KALRN: variants seen among roughly 807,000 people sequenced by gnomAD.
The protein encoded by KALRN is kalirin.
In KALRN, 70 loss-of-function variants were observed where a neutral mutation model predicts 353.7. The ratio of observed to expected loss-of-function variants is 0.20; its 90% CI spans 0.16 to 0.24. The LOEUF is 0.24. KALRN is among the 10% of genes least tolerant of loss of function. KALRN has a pLI of 1.00. For missense variants in KALRN, 2,791 were observed against 3,756.7 expected (o/e 0.74, Z 6.72); for synonymous variants, 1,391 against 1,434.8 (o/e 0.97, Z 0.69).
At chr3:124,111,160 C>T (rs2062928868) in intron 1 of KALRN, among the ~76,000 whole-genome samples, 1 of 152,202 alleles carries the variant, frequency 6.6e-6, no homozygotes, top group Non-Finnish European at 1.5e-5. Context: ...CCTGCCACTA[C>T]AAGAAAAGAC....
chr3:124,437,961 A>T (rs2093537403), intron 17 of KALRN, among the ~76,000 whole-genome samples: 1 of 152,166 alleles, frequency 6.6e-6, no homozygotes, highest in Admixed American at 6.5e-5. Flanking sequence ...TATAGTAAAT[A>T]GTTGTTATAT....
chr3:124,126,673 A>G (rs536882303), intron 1 of KALRN, among the ~76,000 whole-genome samples: 1 of 152,382 alleles, frequency 6.6e-6, no homozygotes, highest in Admixed American at 6.5e-5. Context: ...ATCAAGATGT[A>G]AAAGCTATTT....
chr3:124,037,381 G>C (rs1051848351), intron 1 of KALRN, among the ~76,000 whole-genome samples: 1 of 152,200 alleles, frequency 6.6e-6, no homozygotes, highest in Non-Finnish European at 1.5e-5. Flanking sequence ...GCATTGAAGA[G>C]CCTGGGCTGA....
intron 1 of KALRN, chr3:124,094,958 T>C (rs1405196323): frequency 6.6e-7 from 1 of 1,506,382 alleles, no homozygotes. Flanking sequence ...TAAATACACA[T>C]AGAGACATAA....
At chr3:124,314,195 T>C (rs995624196) in intron 6 of KALRN, among the ~76,000 whole-genome samples, 3 of 151,764 alleles carry the variant, frequency 2.0e-5, no homozygotes, top group Admixed American at 2.0e-4. Flanking sequence ...TTCATGTCCT[T>C]TATAGGGACA....
intron 1 of KALRN, among the ~76,000 whole-genome samples, chr3:124,105,850 G>A (rs111500772): frequency 2.2e-4 from 34 of 152,320 alleles, no homozygotes; most frequent in Non-Finnish European, 3.8e-4. Flanking sequence ...AAGGAGGAAG[G>A]CCTGAATGTG....
At chr3:124,189,753 C>G (rs2074673293) in intron 1 of KALRN, among the ~76,000 whole-genome samples, 1 of 152,114 alleles carries the variant, frequency 6.6e-6, no homozygotes. Context: ...TCCTGGCCAA[C>G]AGGGTGAAAA....
intron 1 of KALRN, among the ~76,000 whole-genome samples, chr3:124,136,476 C>T (rs1323198061): frequency 6.6e-6 from 1 of 152,048 alleles, no homozygotes; most frequent in Non-Finnish European, 1.5e-5. Context: ...TGAATTTTAC[C>T]AAATTGCCAA....
At chr3:124,227,703 T>G (rs988594423) in intron 1 of KALRN, among the ~76,000 whole-genome samples, 23 of 78,608 alleles carry the variant, frequency 2.9e-4, no homozygotes, top group East Asian at 2.4e-3. Context: ...TTTTTTTTTT[T>G]TTGCCCCCAC....
At chr3:124,488,505 T>G (rs1461363449) in intron 29 of KALRN, 190 bp downstream of exon 29, 1 of 569,960 alleles carries the variant, frequency 1.8e-6, no homozygotes, top group Non-Finnish European at 3.1e-6. Flanking sequence ...AGCACCCTGC[T>G]TCTAGGAAGG....
At chr3:124,511,159 C>A (rs2065861128) in intron 33 of KALRN, among the ~76,000 whole-genome samples, 1 of 152,034 alleles carries the variant, frequency 6.6e-6, no homozygotes, top group South Asian at 2.1e-4. Flanking sequence ...TATTCTTTAA[C>A]ATTCAGGGCA....
At chr3:124,596,389 C>T (rs2076265974) in intron 34 of KALRN, among the ~76,000 whole-genome samples, 2 of 152,052 alleles carry the variant, frequency 1.3e-5, no homozygotes, top group South Asian at 4.2e-4. Context: ...ATCGCTTGAA[C>T]CCAAGAGGTG....
chr3:124,612,905 C>T (rs1490537897), intron 34 of KALRN, among the ~76,000 whole-genome samples: 1 of 67,894 alleles, frequency 1.5e-5, no homozygotes, highest in Non-Finnish European at 2.6e-5. Flanking sequence ...TATGGGATCC[C>T]CACTTAAATA....
intron 5 of KALRN, among the ~76,000 whole-genome samples, chr3:124,297,736 C>A (rs7623994): frequency 0.2 from 30,144 of 152,188 alleles, 3,083 homozygotes; most frequent in South Asian, 0.29. Flanking sequence ...AAGAGGATTT[C>A]TTGGCTCAGG....
intron 33 of KALRN, among the ~76,000 whole-genome samples, chr3:124,537,335 C>G (rs1421224396): frequency 1.3e-5 from 2 of 152,172 alleles, no homozygotes; most frequent in Non-Finnish European, 2.9e-5. Flanking sequence ...AGCCACCATG[C>G]CTGGCCAAGA....
intron 11 of KALRN, among the ~76,000 whole-genome samples, chr3:124,386,576 C>T (rs894081850): frequency 1.2e-4 from 19 of 152,134 alleles, no homozygotes; most frequent in Admixed American, 6.5e-5. Flanking sequence ...ACCATATGAG[C>T]TTGTGCAAGT....
At chr3:124,648,499 G>C (rs1236132245) in intron 37 of KALRN, among the ~76,000 whole-genome samples, 2 of 152,340 alleles carry the variant, frequency 1.3e-5, no homozygotes, top group South Asian at 4.2e-4. Flanking sequence ...CCTGGGAAGG[G>C]GTAGGAGCAC....
intron 1 of KALRN, among the ~76,000 whole-genome samples, chr3:124,193,047 T>A (rs568150367): frequency 2.7e-4 from 41 of 152,326 alleles, no homozygotes; most frequent in African/African-American, 9.9e-4. Context: ...TGACCTAGAA[T>A]CTATCTGATA....
chr3:124,352,115 T>G (rs1400618492), intron 10 of KALRN, among the ~76,000 whole-genome samples: 1 of 152,210 alleles, frequency 6.6e-6, no homozygotes, highest in East Asian at 1.9e-4. Flanking sequence ...TGGACTCAGT[T>G]TGCCTATAAT....
Sources: gnomAD v4.1 joint callset for allele counts (sites outside exome capture counted in the v4.1 genomes callset) on GRCh38, gnomAD v4.1.1 for gene constraint, MANE v1.5 for transcripts, NCBI Gene and HGNC (gene_info 2026-07-23, HGNC 2026-07-21) for gene names.